The following TBC1D22A variants were observed in gnomAD, a reference collection of about 807,000 sequenced individuals.
TBC1D22A encodes the protein TBC1 domain family member 22A, also known as putative GTPase activator.
Under a neutral mutation model 60.2 loss-of-function variants are expected in TBC1D22A, and 38 were observed. That is an observed-to-expected ratio of 0.63 (90% CI 0.49 to 0.83). TBC1D22A has a LOEUF of 0.83. Ranked by LOEUF, TBC1D22A falls within the 40% of genes least tolerant of loss-of-function variation. TBC1D22A has a pLI of 0.00. For synonymous variants in TBC1D22A, 302 were observed against 281.7 expected (o/e 1.07, Z -0.72); for missense variants, 628 against 701.0 (o/e 0.90, Z 1.18).
chr22:46,769,485 C>T (rs142786574), intron 1 of TBC1D22A, among the ~76,000 whole-genome samples: 14 of 152,354 alleles, frequency 9.2e-5, no homozygotes, highest in African/African-American at 9.6e-5. Context: ...TCCCGGGACC[C>T]TGGCAGAGTA....
At chr22:47,099,684 G>A (rs570715881) in intron 11 of TBC1D22A, among the ~76,000 whole-genome samples, 1 of 151,864 alleles carries the variant, frequency 6.6e-6, no homozygotes, top group Non-Finnish European at 1.5e-5. Context: ...ACCTCAGGTG[G>A]TCCACCTGCC....
intron 12 of TBC1D22A, among the ~76,000 whole-genome samples, chr22:47,139,033 C>T (rs1052237542): frequency 2.6e-5 from 4 of 152,338 alleles, no homozygotes; most frequent in African/African-American, 9.6e-5. Flanking sequence ...CCCAGAATAC[C>T]AGGAGGCCAG....
intron 4 of TBC1D22A, among the ~76,000 whole-genome samples, chr22:46,836,665 T>G (rs1374345376): frequency 6.6e-6 from 1 of 151,962 alleles, no homozygotes; most frequent in Non-Finnish European, 1.5e-5. Flanking sequence ...GATTAAATTA[T>G]CCAATCAGAA....
intron 11 of TBC1D22A, among the ~76,000 whole-genome samples, chr22:47,039,544 C>T (rs9626933): frequency 0.053 from 8,025 of 151,758 alleles, 686 homozygotes; most frequent in African/African-American, 0.18. Flanking sequence ...CCTTCCCAGG[C>T]CCTGAACTAG....
At chr22:46,908,413 C>T (rs527623340) in intron 7 of TBC1D22A, among the ~76,000 whole-genome samples, 1 of 152,272 alleles carries the variant, frequency 6.6e-6, no homozygotes, top group African/African-American at 2.4e-5. Context: ...CACACGCCTC[C>T]ACGGGACACC....
chr22:46,911,644 G>A (rs772739771), intron 7 of TBC1D22A, among the ~76,000 whole-genome samples: 49 of 152,184 alleles, frequency 3.2e-4, no homozygotes, highest in Non-Finnish European at 6.2e-4. Flanking sequence ...AGGGCCGTGC[G>A]TGGTGGCTCA....
chr22:47,173,224 G>A (rs772267582), intron 12 of TBC1D22A, among the ~76,000 whole-genome samples: 4 of 152,058 alleles, frequency 2.6e-5, no homozygotes, highest in Non-Finnish European at 1.5e-5. Context: ...GGGATGGGGC[G>A]GTGGCCGTGG....
At chr22:46,903,162 C>T (rs2069132110) in intron 7 of TBC1D22A, among the ~76,000 whole-genome samples, 1 of 152,222 alleles carries the variant, frequency 6.6e-6, no homozygotes, top group Admixed American at 6.5e-5. Context: ...CAGCCTCACG[C>T]CCTGCAGGGG....
intron 1 of TBC1D22A, chr22:46,763,416 T>C (rs1473601444): frequency 7.5e-6 from 1 of 132,686 alleles, no homozygotes; most frequent in Non-Finnish European, 1.6e-5. Context: ...TTTTTTTTTT[T>C]TTTTTTTTTT....
At chr22:46,763,112 C>G (rs1338090388) in intron 1 of TBC1D22A, among the ~76,000 whole-genome samples, 1 of 152,062 alleles carries the variant, frequency 6.6e-6, no homozygotes, top group African/African-American at 2.4e-5. Context: ...GGCTTCTTTC[C>G]GAGAAACTCC....
rs2068630823 is a variant in TBC1D22A, at chr22:47,174,933, C to G, written c.*1307C>G. On this transcript the variant is annotated 3_prime_UTR_variant, in exon 13 of 13. Transcript: ENST00000337137. ...CGGTGTGTCACAGGCTGCATGACCC[C>G]TGGAATGCGGGCAGGGCCACAGCCA... is the stretch of plus-strand genomic sequence containing the variant. 6.6e-6 allele frequency: 1 copy of G among 152,230 alleles called. No individual in the cohort carries two copies. The highest frequency in any genetic ancestry group is 2.1e-4 in the South Asian group (1 of 4,826). 9.4% of individuals were successfully genotyped at this position (152,230 alleles called of 1,614,324 possible).
intron 10 of TBC1D22A, among the ~76,000 whole-genome samples, chr22:47,013,284 G>C (rs1004380167): frequency 6.6e-6 from 1 of 152,116 alleles, no homozygotes; most frequent in Non-Finnish European, 1.5e-5. Context: ...ATGCAAACAC[G>C]TGAGGCCTCC....
At chr22:47,059,117 C>T (rs79666755) in intron 11 of TBC1D22A, among the ~76,000 whole-genome samples, 407 of 152,380 alleles carry the variant, frequency 2.7e-3, no homozygotes, top group African/African-American at 9.1e-3. Flanking sequence ...ATGAGAACAT[C>T]AAGGCTCGGC....
chr22:46,977,003 C>T (rs958074228), intron 9 of TBC1D22A, among the ~76,000 whole-genome samples: 7 of 152,178 alleles, frequency 4.6e-5, no homozygotes, highest in African/African-American at 7.2e-5. Context: ...TTGTCTTCGC[C>T]GTGACGGTGC....
At chr22:46,844,485 G>A (rs907355903) in intron 4 of TBC1D22A, among the ~76,000 whole-genome samples, 2 of 152,224 alleles carry the variant, frequency 1.3e-5, no homozygotes, top group African/African-American at 4.8e-5. Context: ...GTGACTGAGT[G>A]TGTGCCAGAT....
At chr22:47,080,026 G>C (rs1228900814) in intron 11 of TBC1D22A, among the ~76,000 whole-genome samples, 1 of 152,190 alleles carries the variant, frequency 6.6e-6, no homozygotes, top group Admixed American at 6.5e-5. Flanking sequence ...TACTACCACA[G>C]CTAAAGAAGG....
intron 11 of TBC1D22A, among the ~76,000 whole-genome samples, chr22:47,093,547 C>T (rs1397360024): frequency 1.3e-5 from 2 of 152,076 alleles, no homozygotes; most frequent in Non-Finnish European, 2.9e-5. Flanking sequence ...CATCTGTGAG[C>T]CCTAGGAGTT....
chr22:46,956,863 T>C (rs567825469), intron 8 of TBC1D22A, among the ~76,000 whole-genome samples: 2 of 152,346 alleles, frequency 1.3e-5, no homozygotes, highest in South Asian at 4.1e-4. Flanking sequence ...GCACAGACTT[T>C]CCGGGATTTA....
chr22:46,776,090 G>T (rs1415521502), intron 1 of TBC1D22A, among the ~76,000 whole-genome samples: 1 of 152,236 alleles, frequency 6.6e-6, no homozygotes, highest in Non-Finnish European at 1.5e-5. Flanking sequence ...CCACGGAGGG[G>T]CCAGGAAGCC....
Sources: gnomAD v4.1 joint callset for allele counts (sites outside exome capture counted in the v4.1 genomes callset) on GRCh38, gnomAD v4.1.1 for gene constraint, MANE v1.5 for transcripts, NCBI Gene and HGNC (gene_info 2026-07-23, HGNC 2026-07-21) for gene names.